Variants in ABCA13 observed in about 807,000 individuals in gnomAD.
ABCA13 encodes the protein ATP-binding cassette sub-family A member 13.
ABCA13 carries 476 observed loss-of-function variants against 478.7 expected under a neutral mutation model. That is an observed-to-expected ratio of 0.99 (90% CI 0.92 to 1.07). The LOEUF is 1.07. Ranked by LOEUF, ABCA13 falls within the 50% of genes least tolerant of loss-of-function variation. The probability of loss-of-function intolerance (pLI) is 0.00; values close to 1 mark genes in which losing one functional copy is unlikely to be tolerated. For missense variants in ABCA13, 6,060 were observed against 5,910.6 expected (o/e 1.03, Z -0.83); for synonymous variants, 2,252 against 2,158.9 (o/e 1.04, Z -1.20).
intron 41 of ABCA13, among the ~76,000 whole-genome samples, chr7:48,415,411 T>C (rs1585224700): frequency 6.6e-6 from 1 of 152,238 alleles, no homozygotes; most frequent in East Asian, 1.9e-4. Context: ...TTAATCCGGT[T>C]GTTTACTAGT....
intron 27 of ABCA13, among the ~76,000 whole-genome samples, chr7:48,330,030 TATCCATCC>T (rs59122878): frequency 0.42 from 58,601 of 139,370 alleles, 11,604 homozygotes; most frequent in Admixed American, 0.48. Context: ...TTGATCTATT[TATCCATCC>T]ATCCATCCAT....
chr7:48,198,113 T>G, intron 2 of ABCA13, 124 bp from the exon 3 acceptor site: 1 of 1,064,492 alleles, frequency 9.4e-7, no homozygotes, highest in Non-Finnish European at 1.3e-6. Flanking sequence ...TAGATCTCCT[T>G]TAAATTAATA....
At chr7:48,541,976 A>G (rs1314914428) in intron 55 of ABCA13, among the ~76,000 whole-genome samples, 4 of 151,512 alleles carry the variant, frequency 2.6e-5, no homozygotes, top group Non-Finnish European at 5.9e-5. Context: ...GCAAATGAAA[A>G]CAAAACAAAA....
chr7:48,428,216 G>A (rs1821698915), intron 42 of ABCA13, among the ~76,000 whole-genome samples: 1 of 152,178 alleles, frequency 6.6e-6, no homozygotes, highest in African/African-American at 2.4e-5. Flanking sequence ...CCTGCGTGGT[G>A]TGCCTCTTAT....
chr7:48,173,299 T>G (rs534313399), intron 1 of ABCA13, among the ~76,000 whole-genome samples: 1 of 152,308 alleles, frequency 6.6e-6, no homozygotes, highest in South Asian at 2.1e-4. Flanking sequence ...GGATCCTACA[T>G]TAGTATGTTA....
At chr7:48,527,019 G>GTGCA (rs1832931275) in intron 54 of ABCA13, among the ~76,000 whole-genome samples, 1 of 152,154 alleles carries the variant, frequency 6.6e-6, no homozygotes, top group Non-Finnish European at 1.5e-5. Context: ...GAACTGAAAG[G>GTGCA]TGCATGAGTG....
intron 42 of ABCA13, among the ~76,000 whole-genome samples, chr7:48,444,331 T>C (rs1350617343): frequency 2.6e-5 from 4 of 152,152 alleles, no homozygotes; most frequent in Non-Finnish European, 4.4e-5. Context: ...TGCATCGTCG[T>C]CTCTCACTTG....
At chr7:48,577,836 T>A (rs560434112) in intron 55 of ABCA13, among the ~76,000 whole-genome samples, 3 of 152,192 alleles carry the variant, frequency 2.0e-5, no homozygotes, top group Non-Finnish European at 4.4e-5. Flanking sequence ...CAACAAAGTA[T>A]CAAATTGAGT....
intron 50 of ABCA13, among the ~76,000 whole-genome samples, chr7:48,510,879 G>A (rs897405268): frequency 4.6e-5 from 7 of 151,462 alleles, no homozygotes; most frequent in African/African-American, 1.7e-4. Context: ...TGAAATACTG[G>A]GGGTTCAATG....
Position 48,275,793 on chromosome 7 carries a change from T to C in ABCA13, c.6127T>C (p.Ser2043Pro), listed in dbSNP as rs1796223444. ...CACAGGTAGCAGTTTAGAAGCATTATCAAGTTTTATTGAAAAAAGTGAAAC... is the reference window on the plus strand; with the variant it reads ...CACAGGTAGCAGTTTAGAAGCATTACCAAGTTTTATTGAAAAAAGTGAAAC... ...NVTGSSLEAL[S>P]SFIEKSETPY... The change falls in exon 17 of 62, where the codon TCA (serine) becomes CCA (proline). Residue 2043 changes from serine (S) to proline (P), a missense_variant. Around this residue, in one of 3 missense-constraint regions of ABCA13, gnomAD observed 4,423 missense variants for 4,309.1 expected, o/e 1.03. Coordinates refer to ENST00000435803, the MANE Select transcript of ABCA13 (RefSeq NM_152701.5). 5 of 1,612,328 alleles carry C rather than the reference T, an allele frequency of 3.1e-6. No homozygotes were observed. The East Asian group carries it at 1.1e-4, about 36-fold the overall frequency.
At chr7:48,603,431 A>AG (rs1308427370) in intron 58 of ABCA13, among the ~76,000 whole-genome samples, 2 of 152,168 alleles carry the variant, frequency 1.3e-5, no homozygotes, top group African/African-American at 4.8e-5. Context: ...GAGAGTTTTT[A>AG]GCATGAAGGG....
intron 28 of ABCA13, among the ~76,000 whole-genome samples, chr7:48,337,281 A>G (rs1392497427): frequency 1.3e-5 from 2 of 152,210 alleles, no homozygotes; most frequent in African/African-American, 2.4e-5. Flanking sequence ...TCCATCAGTA[A>G]AAGACAACAG....
chr7:48,422,768 G>C (rs1820941095), intron 41 of ABCA13, among the ~76,000 whole-genome samples: 1 of 152,216 alleles, frequency 6.6e-6, no homozygotes, highest in African/African-American at 2.4e-5. Flanking sequence ...TGTGGCAGGA[G>C]ATATCCCAAA....
At chr7:48,346,507 AT>A in intron 29 of ABCA13, among the ~76,000 whole-genome samples, 1 of 151,594 alleles carries the variant, frequency 6.6e-6, no homozygotes, top group South Asian at 2.1e-4. Context: ...CCACTTCTCC[AT>A]TAAAAAAAAA....
intron 42 of ABCA13, among the ~76,000 whole-genome samples, chr7:48,435,073 A>G (rs1459929857): frequency 6.6e-6 from 1 of 151,796 alleles, no homozygotes; most frequent in Non-Finnish European, 1.5e-5. Flanking sequence ...AATTGTATTG[A>G]TTAGTTTAGA....
intron 10 of ABCA13, 45 bp downstream of exon 10, chr7:48,241,111 C>A: frequency 6.2e-7 from 1 of 1,602,020 alleles, no homozygotes; most frequent in Non-Finnish European, 8.5e-7. Context: ...GTAGATGACA[C>A]AGAATGTTAA....
intron 51 of ABCA13, among the ~76,000 whole-genome samples, chr7:48,514,033 T>C (rs184631565): frequency 6.6e-6 from 1 of 152,202 alleles, no homozygotes; most frequent in Admixed American, 6.6e-5. Flanking sequence ...GGAAACCTTA[T>C]GTAATAAGTA....
intron 48 of ABCA13, among the ~76,000 whole-genome samples, chr7:48,498,057 C>G (rs1271025283): frequency 6.6e-6 from 1 of 152,160 alleles, no homozygotes; most frequent in Non-Finnish European, 1.5e-5. Context: ...AGCCCTGTCT[C>G]ACTCTGCTTT....
intron 42 of ABCA13, among the ~76,000 whole-genome samples, chr7:48,444,009 G>A (rs1418936850): frequency 6.6e-6 from 1 of 151,638 alleles, no homozygotes; most frequent in African/African-American, 2.4e-5. Context: ...TGTTACAGGA[G>A]GAAACATCCT....
Sources: gnomAD v4.1 joint callset for allele counts (sites outside exome capture counted in the v4.1 genomes callset) on GRCh38, gnomAD v4.1.1 for gene constraint, gnomAD v4.1.1 regional missense constraint, MANE v1.5 for transcripts, NCBI Gene and HGNC (gene_info 2026-07-23, HGNC 2026-07-21) for gene names.